The following THBS2 variants were observed in gnomAD, a reference collection of about 807,000 sequenced individuals.
The protein encoded by THBS2 is thrombospondin-2.
THBS2 carries 47 observed loss-of-function variants against 135.2 expected under a neutral mutation model. That is an observed-to-expected ratio of 0.35 (90% CI 0.28 to 0.44). The LOEUF (loss-of-function observed/expected upper bound fraction) is 0.44. Ranked by LOEUF, THBS2 falls within the 20% of genes least tolerant of loss-of-function variation. The probability of loss-of-function intolerance (pLI) is 1.00; values close to 1 mark genes in which losing one functional copy is unlikely to be tolerated. For missense variants in THBS2, 1,288 were observed against 1,603.1 expected (o/e 0.80, Z 3.36); for synonymous variants, 639 against 633.8 (o/e 1.01, Z -0.12).
rs144103178 is a variant in THBS2 at position 169,222,215 on chromosome 6, C to T, written c.3255G>A (p.Thr1085=). 119 of 1,609,230 alleles carry T rather than the reference C, an allele frequency of 7.4e-5. No individual in the cohort carries two copies. The African/African-American group carries it at 9.7e-4, about 13-fold the overall frequency. Residue 1085 remains threonine, a synonymous_variant, in exon 19 of 22, where the codon ACG becomes ACA. Transcript: ENST00000617924. ...GEHLRNALWH[T]GNTPGQVRTL... ...ACCTCACCTGCCCCGGCGTGTTCCCCGTGTGCCACAGCGCGTTCCTCAGGT... is the reference window on the plus strand; with the variant it reads ...ACCTCACCTGCCCCGGCGTGTTCCCTGTGTGCCACAGCGCGTTCCTCAGGT...
Position 169,228,286 on chromosome 6 carries a change from A to G in THBS2, c.2260-5T>C, listed in dbSNP as rs1244540928. 6.2e-7 allele frequency: 1 copy of G among 1,613,964 alleles called. No individual in the cohort carries two copies. Among genetic ancestry groups the G allele is most frequent in the Non-Finnish European group, 8.5e-7 (1 of 1,179,932 alleles). ...GAAGAGGAGCTGGCAGTTGTCCTGG[A>G]AAACCAAGAAAGGGAAGACTTTAAC... On this transcript the variant is annotated splice_polypyrimidine_tract_variant and splice_region_variant and intron_variant, in intron 14 of 21. Coordinates refer to ENST00000617924, the MANE Select transcript of THBS2 (RefSeq NM_003247.5).
chr6:169,250,234 T>C (rs1262738634), intron 2 of THBS2, among the ~76,000 whole-genome samples: 1 of 152,332 alleles, frequency 6.6e-6, no homozygotes, highest in East Asian at 1.9e-4. Flanking sequence ...AAGGATATAA[T>C]CACAAATGCT....
Position 169,228,164 on chromosome 6 carries a change from T to C in THBS2, c.2377A>G (p.Asn793Asp), listed in dbSNP as rs747351403. ...HNPAQIDTDN[N>D]GEGDACSVDI... is the part of the protein sequence containing the mutation. ...ACGGAGCAGGCGTCACCCTCTCCAT[T>C]GTTGTCTGTGTCGATCTGGGCAGGG... Residue 793 changes from asparagine to aspartate, a missense_variant, in exon 15 of 22, where the codon AAT (asparagine) becomes GAT (aspartate). Asn to Asp is a conservative substitution (Grantham distance 23). Transcript: ENST00000617924. 1 of 1,613,796 alleles carries C rather than the reference T, an allele frequency of 6.2e-7. No individual in the cohort carries two copies. The highest frequency in any genetic ancestry group is 1.7e-5 in the Admixed American group (1 of 60,004).
chr6:169,240,647 A>G (rs1333797964), intron 5 of THBS2, 55 bp from the exon 6 acceptor site: 4 of 1,574,034 alleles, frequency 2.5e-6, no homozygotes, highest in African/African-American at 2.7e-5. Context: ...ATATTTAGTC[A>G]TCATGCTTGT....
rs376986145 is a variant in THBS2 at position 169,217,730 on chromosome 6, C to T, written c.*92G>A. The T allele has an allele frequency of 4.4e-5, 64 of 1,445,448 alleles. No homozygotes were observed. In the African/African-American group the frequency reaches 7.7e-4, roughly 17 times the overall value. The allele number at this position is 1,445,448 out of a possible 1,614,324, so 89.5% of individuals were successfully genotyped here. On this transcript the variant is annotated 3_prime_UTR_variant, in exon 22 of 22. Transcript: ENST00000617924. ...TAAGGTCAAGGGACAGGAGGTGCTGCTAGAGAGAGAAGCCACAAGGACCAC... is the reference window on the plus strand; with the variant it reads ...TAAGGTCAAGGGACAGGAGGTGCTGTTAGAGAGAGAAGCCACAAGGACCAC...
chr6:169,223,203 C>T (rs779693435), intron 18 of THBS2, 45 bp downstream of exon 18: 4 of 1,578,162 alleles, frequency 2.5e-6, no homozygotes, highest in South Asian at 1.1e-5. Flanking sequence ...GTGGGCGCCT[C>T]CCCCGGAGAA....
In THBS2 at chr6:169,241,490, A is replaced by T. The variant is rs903084300; in HGVS notation, c.891+272T>A. On this transcript the variant is annotated intron_variant, in intron 5 of 21. Coordinates refer to ENST00000617924, the MANE Select transcript of THBS2 (RefSeq NM_003247.5). This position sits in a 1 kb window ranked among gnomAD's most constrained non-coding sequence, Gnocchi z 5.5. ...ACCTACAGATTTACCAAGGAGGTAA[A>T]TTTCCCAAAATTAAGAATTTATTTT... Among the ~76,000 whole-genome samples, 1 of 151,934 alleles carries T rather than the reference A, an allele frequency of 6.6e-6. No individual in the cohort carries two copies. Among genetic ancestry groups the T allele is most frequent in the African/African-American group, 2.4e-5 (1 of 41,342 alleles).
chr6:169,252,540 C>A lies in THBS2; in HGVS notation c.-23+1184G>T, dbSNP rs1173570564. On this transcript the variant is annotated intron_variant, in intron 1 of 21. Coordinates refer to ENST00000617924, the MANE Select transcript of THBS2 (RefSeq NM_003247.5). The surrounding 1 kb of genome is among the most constrained non-coding windows in gnomAD (Gnocchi z 4.3). The stretch of plus-strand genomic sequence containing the variant: ...ACTAAATCAAACTCCTTTGACGAAA[C>A]CAGATCCTACTGTCTCTGCCTTGAG... Among the ~76,000 whole-genome samples, 1 of 152,232 alleles carries A rather than the reference C, an allele frequency of 6.6e-6. No homozygotes were observed.
intron 9 of THBS2, among the ~76,000 whole-genome samples, chr6:169,236,412 A>T (rs1355411331): frequency 1.1e-5 from 1 of 87,712 alleles, no homozygotes; most frequent in Non-Finnish European, 2.2e-5. Context: ...TCCCCCATAA[A>T]CACCATCCAC....
At position 169,241,909 on chromosome 6, in the gene THBS2, C is replaced by A. The variant is rs767176306; in HGVS notation, c.744G>T (p.Pro248=). 1.2e-6 allele frequency: 2 copies of A among 1,611,620 alleles called. No individual in the cohort carries two copies. The highest frequency in any genetic ancestry group is 1.3e-5 in the African/African-American group (1 of 74,918). ...GGCCCACGTACTCGGTGGTGACATGCGGACCCAGGCGCAGCGTCTCTGTGT... is the reference window on the plus strand; with the variant it reads ...GGCCCACGTACTCGGTGGTGACATGAGGACCCAGGCGCAGCGTCTCTGTGT... ...SENTETLRLG[P]HVTTEYVGPS... Residue 248 remains proline (P), a synonymous_variant, in exon 5 of 22, where the codon CCG becomes CCT. Coordinates refer to ENST00000617924, the MANE Select transcript of THBS2 (RefSeq NM_003247.5). The surrounding 1 kb of genome is among the most constrained non-coding windows in gnomAD (Gnocchi z 5.5).
chr6:169,231,895 C>T (rs899351935), intron 13 of THBS2, 85 bp downstream of exon 13: 19 of 1,442,046 alleles, frequency 1.3e-5, no homozygotes, highest in African/African-American at 5.9e-5. Context: ...GTGCTGCCCC[C>T]GCCCCCCGTC....
chr6:169,242,001 G>A, intron 4 of THBS2, 43 bp from the exon 5 acceptor site: 2 of 1,567,166 alleles, frequency 1.3e-6, no homozygotes, highest in Non-Finnish European at 8.7e-7. Context: ...ACAGAGGACG[G>A]GGCCAGCAGC....
chr6:169,223,351 G>A lies in THBS2; in HGVS notation c.2898C>T (p.Pro966=). ...TTTGGGTGGTCCCTTTGGGATCCAAGGGGACCATCTGGAAGTTCCTGAAGT... is the reference window on the plus strand; with the variant it reads ...TTTGGGTGGTCCCTTTGGGATCCAAAGGGACCATCTGGAAGTTCCTGAAGT... The part of the protein sequence containing the change: ...ETDFRNFQMV[P]LDPKGTTQID... Residue 966 remains proline (P), a synonymous_variant, in exon 18 of 22, where the codon CCC becomes CCT. Transcript: ENST00000617924. The A allele has an allele frequency of 6.2e-7, 1 of 1,614,158 alleles. No individual in the cohort carries two copies. The highest frequency in any genetic ancestry group is 1.1e-5 in the South Asian group (1 of 91,084).
chr6:169,248,383 TC>T (rs1780631132), intron 3 of THBS2, 33 bp downstream of exon 3: 1 of 1,567,674 alleles, frequency 6.4e-7, no homozygotes, highest in Admixed American at 1.7e-5. Flanking sequence ...AGCTCTTTCC[TC>T]CCTCACGGCG....
chr6:169,235,186 T>A (rs958244324), intron 9 of THBS2, among the ~76,000 whole-genome samples: 1 of 152,050 alleles, frequency 6.6e-6, no homozygotes, highest in African/African-American at 2.4e-5. Context: ...CTCTTCTTTT[T>A]AATAAAAGAA....
intron 15 of THBS2, 76 bp downstream of exon 15, chr6:169,228,046 C>T: frequency 1.3e-6 from 2 of 1,507,920 alleles, no homozygotes; most frequent in Non-Finnish European, 1.8e-6. Flanking sequence ...GTGCTACTGC[C>T]CTGGGCAACA....
chr6:169,236,038 CCTCCCCATCCACACTCA>C (rs1780039043), intron 9 of THBS2, among the ~76,000 whole-genome samples: 1 of 113,090 alleles, frequency 8.8e-6, no homozygotes, highest in East Asian at 2.7e-4. Context: ...ATCCACACTC[CCTCCCCATCCACACTCA>C]CTCCCCATCC....
chr6:169,237,737 C>G lies in THBS2; in HGVS notation c.1188G>C (p.Thr396=). The change falls in exon 8 of 22, where the codon ACG becomes ACC. Residue 396 remains threonine (T), a synonymous_variant. Coordinates refer to ENST00000617924, the MANE Select transcript of THBS2 (RefSeq NM_003247.5). ...CTCTCTGCTGGGTCCCAGAGCCACA[C>G]GTCACGGAGCACTGGGTCCACTCTG... ...PWAEWTQCSV[T]CGSGTQQRGR... 1 of 1,612,466 alleles carries G rather than the reference C, an allele frequency of 6.2e-7. No homozygotes were observed. Among genetic ancestry groups the G allele is most frequent in the Non-Finnish European group, 8.5e-7 (1 of 1,179,984 alleles).
chr6:169,225,299 C>G lies in THBS2; in HGVS notation c.2619G>C (p.Gln873His). Residue 873 changes from glutamine to histidine, a missense_variant, in exon 17 of 22, where the codon CAG (glutamine) becomes CAC (histidine). Physicochemically the swap from Gln to His is conservative, Grantham distance 24 (BLOSUM62 0). Transcript: ENST00000617924. ...CGTTGGAGATGTAGGGGCAGTTGTC[C>G]TGGTTGTTCTGGTGGCCGTCGTCAT... ...DIDDDGHQNN[Q>H]DNCPYISNAN... is the part of the protein sequence containing the mutation. 3 of 1,592,530 alleles carry G rather than the reference C, an allele frequency of 1.9e-6. No individual in the cohort carries two copies. Among genetic ancestry groups the G allele is most frequent in the Non-Finnish European group, 2.6e-6 (3 of 1,169,138 alleles).
Sources: allele counts gnomAD v4.1 joint callset (sites outside exome capture counted in the v4.1 genomes callset), GRCh38; gene constraint gnomAD v4.1.1; non-coding constraint Gnocchi (gnomAD v3.1); transcripts MANE v1.5; gene names NCBI Gene and HGNC (gene_info 2026-07-23, HGNC 2026-07-21).